Variants in ZNF37A observed in about 807,000 individuals in gnomAD.
The protein encoded by ZNF37A is zinc finger protein 37A.
Under a neutral mutation model 12.3 loss-of-function variants are expected in ZNF37A, and 10 were observed. That is an observed-to-expected ratio of 0.82 (90% confidence interval 0.50 to 1.38). The LOEUF is 1.38. Ranked by LOEUF, ZNF37A falls within the 40% of genes most tolerant of loss-of-function variation. The pLI is 0.00. For synonymous variants in ZNF37A, 207 were observed against 223.0 expected (o/e 0.93, Z 0.64); for missense variants, 580 against 651.2 (o/e 0.89, Z 1.19).
At chr10:38,134,831 G>A (rs1177004845) in intron 7 of ZNF37A, among the ~76,000 whole-genome samples, 1 of 152,094 alleles carries the variant, frequency 6.6e-6, no homozygotes, top group Non-Finnish European at 1.5e-5. Flanking sequence ...TGTCAGACAG[G>A]GACATTTTTA....
rs2069419233 is a variant in ZNF37A, at chr10:38,118,031, A to G, written c.880A>G (p.Thr294Ala). The G allele has an allele frequency of 6.2e-7, 1 of 1,614,116 alleles. No homozygotes were observed. The highest frequency in any genetic ancestry group is 1.3e-5 in the African/African-American group (1 of 75,052). ...SAHTRHQRTH[T>A]GGKPYECHEC... ...CCACACAAGACATCAGAGAACACACACAGGGGGAAAACCCTATGAATGTCA... is the reference window on the plus strand; with the variant it reads ...CCACACAAGACATCAGAGAACACACGCAGGGGGAAAACCCTATGAATGTCA... The change falls in exon 8 of 8, where the codon ACA becomes GCA. Residue 294 changes from threonine to alanine, a missense_variant. Transcript: ENST00000685332.
intron 5 of ZNF37A, among the ~76,000 whole-genome samples, chr10:38,107,058 TC>T (rs2068164731): frequency 1.3e-5 from 2 of 152,070 alleles, no homozygotes; most frequent in Non-Finnish European, 2.9e-5. Context: ...ATCATCAGAT[TC>T]AGCAAGGTTG....
chr10:38,111,461 C>A (rs1393525257), intron 5 of ZNF37A, among the ~76,000 whole-genome samples: 1 of 151,744 alleles, frequency 6.6e-6, no homozygotes, highest in African/African-American at 2.4e-5. Flanking sequence ...TGCACATGTA[C>A]CCCAGAACTT....
downstream of ZNF37A, among the ~76,000 whole-genome samples, chr10:38,126,856 A>G (rs1162378926): frequency 6.6e-6 from 1 of 152,172 alleles, no homozygotes; most frequent in Non-Finnish European, 1.5e-5. Flanking sequence ...ATGAGCTAGA[A>G]AGGTGGGGTT....
intron 7 of ZNF37A, 147 bp downstream of exon 7, chr10:38,115,437 T>C (rs2069193049): frequency 8.6e-7 from 1 of 1,161,448 alleles, no homozygotes; most frequent in African/African-American, 1.6e-5. Flanking sequence ...GACCCAAATA[T>C]GCAGTGACTC....
chr10:38,103,503 T>C (rs2067768179), intron 5 of ZNF37A, among the ~76,000 whole-genome samples: 1 of 152,198 alleles, frequency 6.6e-6, no homozygotes, highest in Non-Finnish European at 1.5e-5. Flanking sequence ...GAACAGATGA[T>C]TTAAATTCTT....
intron 5 of ZNF37A, among the ~76,000 whole-genome samples, chr10:38,102,732 A>G (rs1375134274): frequency 1.3e-5 from 2 of 152,208 alleles, no homozygotes; most frequent in African/African-American, 4.8e-5. Context: ...TTCTTGTAGG[A>G]CAGGTCTAGT....
chr10:38,125,625 A>C (rs183149559), downstream of ZNF37A: 6 of 152,336 alleles, frequency 3.9e-5, no homozygotes, highest in East Asian at 1.2e-3. Flanking sequence ...ACTCAGTAGG[A>C]GCACAATACA....
intron 5 of ZNF37A, among the ~76,000 whole-genome samples, chr10:38,103,526 C>G (rs2067770165): frequency 6.6e-6 from 1 of 152,002 alleles, no homozygotes; most frequent in Non-Finnish European, 1.5e-5. Context: ...TCTAGTAAGA[C>G]CAGTATCAAA....
intron 7 of ZNF37A, chr10:38,141,817 A>T (rs1327508208): frequency 6.6e-6 from 1 of 152,170 alleles, no homozygotes; most frequent in Non-Finnish European, 1.5e-5. Context: ...ATCAGGAAAG[A>T]GGCTAAAGCG....
At chr10:38,135,147 G>A (rs1247501345) in intron 7 of ZNF37A, among the ~76,000 whole-genome samples, 1 of 152,190 alleles carries the variant, frequency 6.6e-6, no homozygotes. Context: ...AGCACTTTGG[G>A]AGGCCAAGGC....
intron 7 of ZNF37A, among the ~76,000 whole-genome samples, chr10:38,133,949 C>A (rs2070069384): frequency 6.6e-6 from 1 of 152,210 alleles, no homozygotes; most frequent in African/African-American, 2.4e-5. Flanking sequence ...GGTCTTTTCA[C>A]ATAGTCCCGT....
chr10:38,097,345 C>T (rs1348558628), intron 5 of ZNF37A, among the ~76,000 whole-genome samples: 2 of 151,910 alleles, frequency 1.3e-5, no homozygotes, highest in Non-Finnish European at 2.9e-5. Flanking sequence ...TTTGGGAGGG[C>T]GAGGTGGGTG....
At chr10:38,137,739 A>T (rs777126698) in intron 7 of ZNF37A, 1 of 152,192 alleles carries the variant, frequency 6.6e-6, no homozygotes, top group Non-Finnish European at 1.5e-5. Context: ...TAAAGCAAAG[A>T]TTACCATAAT....
At chr10:38,113,614 C>G (rs1472087686) in intron 5 of ZNF37A, among the ~76,000 whole-genome samples, 1 of 152,198 alleles carries the variant, frequency 6.6e-6, no homozygotes, top group Non-Finnish European at 1.5e-5. Context: ...TCCAGACGTT[C>G]TAAGGCCTCT....
exon 8 of ZNF37A, chr10:38,146,920 C>G (rs1590955260): frequency 2.5e-6 from 1 of 393,978 alleles, no homozygotes; most frequent in East Asian, 3.6e-5. Flanking sequence ...GTTTGACCCA[C>G]ATGTTTATTG....
intron 5 of ZNF37A, among the ~76,000 whole-genome samples, chr10:38,103,000 T>G (rs1352121451): frequency 2.6e-5 from 4 of 152,212 alleles, no homozygotes; most frequent in African/African-American, 9.6e-5. Flanking sequence ...TGACAATTTA[T>G]TATTTCTCTC....
At position 38,139,316 on chromosome 10, in the gene ZNF37A, C is replaced by G. The variant is rs1417042437; in HGVS notation, c.239-7416C>G. ...CTGATTATGAGGCAACTAAAATCATCTGATTATTGATCACTGTGTTGAACC... is the reference window on the plus strand; with the variant it reads ...CTGATTATGAGGCAACTAAAATCATGTGATTATTGATCACTGTGTTGAACC... On this transcript the variant is annotated intron_variant, in intron 7 of 7. Coordinates refer to the ZNF37A transcript ENST00000638053. 1.1e-4 allele frequency: 17 copies of G among 151,908 alleles called. 1 individual carries two copies. Among genetic ancestry groups the G allele is most frequent in the Admixed American group, 3.3e-4 (5 of 15,240 alleles). The allele number at this position is 151,908 out of a possible 1,614,324, so 9.4% of individuals were successfully genotyped here.
downstream of ZNF37A, among the ~76,000 whole-genome samples, chr10:38,127,363 A>C (rs142392944): frequency 5.4e-3 from 829 of 152,330 alleles, 3 homozygotes; most frequent in Non-Finnish European, 7.3e-3. Flanking sequence ...TTCTTCACTG[A>C]TGACAAGCAC....
Sources: gnomAD v4.1 joint callset for allele counts (sites outside exome capture counted in the v4.1 genomes callset) on GRCh38, gnomAD v4.1.1 for gene constraint, MANE v1.5 for transcripts, NCBI Gene and HGNC (gene_info 2026-07-23, HGNC 2026-07-21) for gene names.